Variants in MBD2 observed in about 807,000 individuals in gnomAD.
The protein encoded by MBD2 is methyl-CpG binding domain protein 2.
Under a neutral mutation model 39.3 loss-of-function variants are expected in MBD2, and 9 were observed. The ratio of observed to expected loss-of-function variants is 0.23; its 90% confidence interval spans 0.14 to 0.40. The LOEUF (loss-of-function observed/expected upper bound fraction) is 0.40, where lower values mean the gene tolerates loss of function less well. MBD2 is among the 10% of genes least tolerant of loss of function. The probability of loss-of-function intolerance (pLI) is 1.00; values close to 1 mark genes in which losing one functional copy is unlikely to be tolerated. For missense variants in MBD2, 458 were observed against 532.6 expected (o/e 0.86, Z 1.38); for synonymous variants, 233 against 211.1 (o/e 1.10, Z -0.90).
At chr18:54,162,154 A>T (rs1378315425) in intron 5 of MBD2, among the ~76,000 whole-genome samples, 1 of 152,206 alleles carries the variant, frequency 6.6e-6, no homozygotes, top group Admixed American at 6.5e-5. Context: ...TAAGACCCAA[A>T]CACAGAAGCC....
chr18:54,195,212 C>T (rs2086356003), intron 2 of MBD2, among the ~76,000 whole-genome samples: 1 of 152,000 alleles, frequency 6.6e-6, no homozygotes, highest in Non-Finnish European at 1.5e-5. Context: ...TTACGCTATA[C>T]TATATTGTAA....
At chr18:54,177,043 C>T (rs2086216742) in intron 3 of MBD2, among the ~76,000 whole-genome samples, 1 of 152,122 alleles carries the variant, frequency 6.6e-6, no homozygotes, top group Non-Finnish European at 1.5e-5. Context: ...TTGTCAAGTG[C>T]CTGAAAAGGT....
At chr18:54,200,748 G>A (rs1192873290) in intron 2 of MBD2, among the ~76,000 whole-genome samples, 10 of 149,898 alleles carry the variant, frequency 6.7e-5, no homozygotes, top group African/African-American at 2.3e-4. Flanking sequence ...CAATAGGATA[G>A]TGACTAGGTA....
chr18:54,191,435 A>G (rs1482706465), intron 2 of MBD2, among the ~76,000 whole-genome samples: 13 of 152,232 alleles, frequency 8.5e-5, no homozygotes, highest in Admixed American at 3.3e-4. Context: ...CTAAAAATCT[A>G]GAGTCTTCAT....
intron 1 of MBD2, among the ~76,000 whole-genome samples, chr18:54,217,315 C>A (rs886109951): frequency 6.6e-6 from 1 of 152,122 alleles, no homozygotes; most frequent in African/African-American, 2.4e-5. Context: ...ATGAAATCTG[C>A]AGATATTATT....
chr18:54,195,889 TCAAA>T (rs2086362155), intron 2 of MBD2, among the ~76,000 whole-genome samples: 6 of 152,144 alleles, frequency 3.9e-5, no homozygotes, highest in Admixed American at 2.0e-4. Context: ...ATCCCCTGGT[TCAAA>T]CAAAGGTGTG....
intron 1 of MBD2, among the ~76,000 whole-genome samples, chr18:54,207,154 T>G (rs1258564519): frequency 6.6e-6 from 1 of 152,210 alleles, no homozygotes; most frequent in Non-Finnish European, 1.5e-5. Context: ...TGTTATATAA[T>G]TTTTCCCAGA....
At chr18:54,215,264 G>C (rs990455167) in intron 1 of MBD2, among the ~76,000 whole-genome samples, 64 of 152,138 alleles carry the variant, frequency 4.2e-4, no homozygotes, top group African/African-American at 1.4e-3. Flanking sequence ...TTTGGAAACT[G>C]TCATGGTAAC....
intron 3 of MBD2, among the ~76,000 whole-genome samples, chr18:54,174,725 A>G (rs960531639): frequency 1.3e-5 from 2 of 152,246 alleles, no homozygotes; most frequent in African/African-American, 4.8e-5. Context: ...TTATAATATC[A>G]TTTCTATTGG....
intron 3 of MBD2, 95 bp from the exon 4 acceptor site, chr18:54,166,261 T>C (rs946233392): frequency 1.4e-6 from 1 of 733,830 alleles, no homozygotes; most frequent in Non-Finnish European, 2.3e-6. Flanking sequence ...ATCATTTCAA[T>C]AGTTTCCTAT....
intron 3 of MBD2, chr18:54,187,922 G>A: frequency 1.1e-6 from 1 of 930,446 alleles, no homozygotes. Context: ...GAAAGTTTTG[G>A]CCCAATCCTT....
At chr18:54,206,775 AAG>A (rs72476091) in intron 1 of MBD2, among the ~76,000 whole-genome samples, 44,500 of 151,890 alleles carry the variant, frequency 0.29, 7,570 homozygotes, top group East Asian at 0.55. Context: ...AGAACAATAC[AAG>A]AAAAAACCAG....
At chr18:54,168,447 G>T (rs2086152233) in intron 3 of MBD2, among the ~76,000 whole-genome samples, 1 of 151,628 alleles carries the variant, frequency 6.6e-6, no homozygotes, top group South Asian at 2.1e-4. Flanking sequence ...ATGTGTGGAT[G>T]CCCTCTTTAT....
chr18:54,166,525 G>A lies in MBD2; in HGVS notation c.841-359C>T, dbSNP rs561028748. Among the ~76,000 whole-genome samples, 11 of 152,218 alleles carry A rather than the reference G, an allele frequency of 7.2e-5. No individual in the cohort carries two copies. In the East Asian group the frequency reaches 1.9e-3, roughly 27 times the overall value. ...AATTTTAATGCTACGACTTATTAAG[G>A]AAAAGAAAACAAATTACGTGATGTG... On this transcript the variant is annotated intron_variant, in intron 3 of 6. Transcript: ENST00000256429.
chr18:54,170,806 G>T (rs1206417625), intron 3 of MBD2, among the ~76,000 whole-genome samples: 1 of 152,182 alleles, frequency 6.6e-6, no homozygotes, highest in Non-Finnish European at 1.5e-5. Context: ...CTTCTAGGAA[G>T]AGGTAGCCCT....
chr18:54,224,446 G>T lies in MBD2; in HGVS notation c.114C>A (p.Gly38=), dbSNP rs1402447359. ...GDSAIEQGGQ[G]SALAPSPVSG... ...TCACCGGGGACGGGGCGAGCGCGCT[G>T]CCCTGGCCCCCCTGCTCTATGGCGG... is the stretch of plus-strand genomic sequence containing the variant. Residue 38 remains glycine (G), a synonymous_variant, in exon 1 of 7, where the codon GGC becomes GGA. Transcript: ENST00000256429. The T allele has an allele frequency of 1.6e-6, 2 of 1,238,170 alleles. No individual in the cohort carries two copies. The highest frequency in any genetic ancestry group is 2.0e-6 in the Non-Finnish European group (2 of 994,000). 76.7% of individuals were successfully genotyped at this position (1,238,170 alleles called of 1,614,324 possible).
At chr18:54,217,783 A>G (rs1448781760) in intron 1 of MBD2, among the ~76,000 whole-genome samples, 2 of 152,256 alleles carry the variant, frequency 1.3e-5, no homozygotes, top group African/African-American at 4.8e-5. Flanking sequence ...TATATGCATC[A>G]GTTCCTTTGA....
At chr18:54,190,392 C>T (rs1049389576) in intron 2 of MBD2, among the ~76,000 whole-genome samples, 3 of 152,154 alleles carry the variant, frequency 2.0e-5, no homozygotes, top group African/African-American at 7.2e-5. Context: ...AGTGGAGCAT[C>T]CACATGGTCC....
In MBD2 at chr18:54,164,714, C is replaced by A. The variant is rs1438295869; in HGVS notation, c.932-14G>T. On this transcript the variant is annotated splice_polypyrimidine_tract_variant and intron_variant, in intron 4 of 6. Transcript: ENST00000256429. ...CTGGACCAACTCCTGCAATGAGAAACAAGTACTAGTTAAAGGAAATGTCTC... is the reference window on the plus strand; with the variant it reads ...CTGGACCAACTCCTGCAATGAGAAAAAAGTACTAGTTAAAGGAAATGTCTC... The A allele has an allele frequency of 1.3e-6, 2 of 1,592,058 alleles. No individual in the cohort carries two copies. Among genetic ancestry groups the A allele is most frequent in the South Asian group, 2.2e-5 (2 of 90,384 alleles).
Sources: allele counts gnomAD v4.1 joint callset (sites outside exome capture counted in the v4.1 genomes callset), GRCh38; gene constraint gnomAD v4.1.1; transcripts MANE v1.5; gene names NCBI Gene and HGNC (gene_info 2026-07-23, HGNC 2026-07-21).